Variants in LRRC74A observed in about 807,000 individuals in gnomAD.
The protein encoded by LRRC74A is leucine-rich repeat-containing protein 74A.
In LRRC74A, 44 loss-of-function variants were observed where a neutral mutation model predicts 57.9. That is an observed-to-expected ratio of 0.76 (90% CI 0.60 to 0.98). The LOEUF is 0.98. LRRC74A is among the 50% of genes least tolerant of loss of function. The probability of loss-of-function intolerance (pLI) is 0.00; values close to 1 mark genes in which losing one functional copy is unlikely to be tolerated. For synonymous variants in LRRC74A, 211 were observed against 219.4 expected (o/e 0.96, Z 0.34); for missense variants, 572 against 574.0 (o/e 1.00, Z 0.04).
In LRRC74A at chr14:76,836,176, G is replaced by A. The variant is rs570872715; in HGVS notation, c.340-31G>A. 1.2e-5 allele frequency: 19 copies of A among 1,538,000 alleles called. No individual in the cohort carries two copies. In the South Asian group the frequency reaches 2.1e-4, roughly 17 times the overall value. ...TGACTGGGTCACCAACCACTTCTGT[G>A]TCTCTCTCCCTCCCCTTGTGCTGGC... On this transcript the variant is annotated intron_variant, in intron 3 of 13. Coordinates refer to ENST00000689127, the MANE Select transcript of LRRC74A (RefSeq NM_001385106.1).
intron 7 of LRRC74A, among the ~76,000 whole-genome samples, chr14:76,848,796 C>A (rs1003031621): frequency 1.3e-5 from 2 of 152,166 alleles, no homozygotes; most frequent in African/African-American, 4.8e-5. Flanking sequence ...GAGAAGGCTG[C>A]AGGCAATAGA....
chr14:76,844,772 C>A, intron 6 of LRRC74A, 48 bp from the exon 7 acceptor site: 1 of 1,027,848 alleles, frequency 9.7e-7, no homozygotes, highest in Non-Finnish European at 1.5e-6. Context: ...AAGATATTTG[C>A]AATCAGAAGA....
In LRRC74A at chr14:76,852,391, G is replaced by C. The variant is rs1158732714; in HGVS notation, c.703G>C (p.Asp235His). The C allele has an allele frequency of 6.2e-7, 1 of 1,612,230 alleles. No homozygotes were observed. Among genetic ancestry groups the C allele is most frequent in the Non-Finnish European group, 8.5e-7 (1 of 1,179,004 alleles). ...CATCAACGTGGGGCTCACGTCACTG[G>C]ATCTGAGCTGGAATAACTTCCACAC... Reference protein sequence around the residue: ...LAINVGLTSLDLSWNNFHTRG... With the variant: ...LAINVGLTSLHLSWNNFHTRG... Residue 235 changes from aspartate to histidine, a missense_variant, in exon 8 of 14, where the codon GAT (aspartate) becomes CAT (histidine). Physicochemically the swap from Asp to His is moderately conservative, Grantham distance 81. Coordinates refer to ENST00000689127, the MANE Select transcript of LRRC74A (RefSeq NM_001385106.1).
intron 3 of LRRC74A, among the ~76,000 whole-genome samples, chr14:76,833,161 C>T (rs1383994581): frequency 6.6e-6 from 1 of 152,136 alleles, no homozygotes; most frequent in African/African-American, 2.4e-5. Flanking sequence ...CAGCCAAACA[C>T]AAGCTGCAGG....
At chr14:76,843,811 TC>T (rs1385951334) in intron 5 of LRRC74A, among the ~76,000 whole-genome samples, 3 of 149,044 alleles carry the variant, frequency 2.0e-5, no homozygotes, top group Admixed American at 2.0e-4. Context: ...TTCAAGCATT[TC>T]TCGTGCCTCA....
In LRRC74A at chr14:76,826,480, A is replaced by G; in HGVS notation, c.-218A>G. 6.5e-7 allele frequency: 1 copy of G among 1,540,590 alleles called. No individual in the cohort carries two copies. The highest frequency in any genetic ancestry group is 8.8e-7 in the Non-Finnish European group (1 of 1,134,518). On this transcript the variant is annotated 5_prime_UTR_variant, in exon 1 of 14. Coordinates refer to ENST00000689127, the MANE Select transcript of LRRC74A (RefSeq NM_001385106.1). ...AGAAGTAGCTACCTCTCCCAGACAG[A>G]GTTGGGGTCAAATTCATGCACATCC...
At chr14:76,858,860 A>C (rs1898084873) in intron 10 of LRRC74A, among the ~76,000 whole-genome samples, 1 of 152,154 alleles carries the variant, frequency 6.6e-6, no homozygotes, top group South Asian at 2.1e-4. Flanking sequence ...AAGTGCTGGG[A>C]TTAGAGGTGT....
intron 11 of LRRC74A, among the ~76,000 whole-genome samples, chr14:76,863,401 G>C (rs1243735959): frequency 2.0e-5 from 3 of 152,054 alleles, no homozygotes; most frequent in Admixed American, 2.0e-4. Context: ...CTTTGCATCA[G>C]CTCTCCCTTC....
intron 2 of LRRC74A, among the ~76,000 whole-genome samples, chr14:76,830,149 C>G (rs982360009): frequency 1.3e-5 from 2 of 152,170 alleles, no homozygotes; most frequent in Non-Finnish European, 1.5e-5. Context: ...AAAGAGAAGT[C>G]TAATTTGTAG....
intron 7 of LRRC74A, among the ~76,000 whole-genome samples, chr14:76,851,670 CTTT>C (rs35857490): frequency 2.3e-5 from 3 of 129,838 alleles, no homozygotes; most frequent in Admixed American, 7.7e-5. Context: ...ATAATTCTCA[CTTT>C]TTTTTTTTTT....
intron 2 of LRRC74A, among the ~76,000 whole-genome samples, chr14:76,830,967 A>G (rs1201227779): frequency 1.3e-5 from 2 of 152,208 alleles, no homozygotes; most frequent in Non-Finnish European, 1.5e-5. Flanking sequence ...GCCTAAAACC[A>G]TGGGCCTCAT....
chr14:76,855,798 G>A (rs973280088), intron 9 of LRRC74A, among the ~76,000 whole-genome samples: 1 of 152,208 alleles, frequency 6.6e-6, no homozygotes, highest in African/African-American at 2.4e-5. Flanking sequence ...TCATGTTGAA[G>A]CCACTTAGCT....
chr14:76,841,429 T>G (rs1389157536), intron 5 of LRRC74A, among the ~76,000 whole-genome samples: 1 of 152,240 alleles, frequency 6.6e-6, no homozygotes, highest in Non-Finnish European at 1.5e-5. Flanking sequence ...ATCTTGAATT[T>G]TTTTTCAAAA....
intron 3 of LRRC74A, among the ~76,000 whole-genome samples, chr14:76,834,209 G>A (rs565047783): frequency 3.3e-5 from 5 of 152,270 alleles, no homozygotes; most frequent in South Asian, 2.1e-4. Context: ...GAAAGGAGCC[G>A]AGAAAGAACA....
At chr14:76,831,447 C>A in intron 3 of LRRC74A, 72 bp downstream of exon 3, 1 of 1,522,676 alleles carries the variant, frequency 6.6e-7, no homozygotes, top group African/African-American at 1.4e-5. Flanking sequence ...GCCCAAGATT[C>A]AGAGGGCCCC....
chr14:76,849,567 C>T (rs966364213), intron 7 of LRRC74A, among the ~76,000 whole-genome samples: 4 of 151,358 alleles, frequency 2.6e-5, no homozygotes, highest in Admixed American at 6.6e-5. Flanking sequence ...TTTCGGAGGC[C>T]GAGGCGGGTG....
chr14:76,828,642 C>T, intron 2 of LRRC74A: 2 of 683,282 alleles, frequency 2.9e-6, no homozygotes, highest in Non-Finnish European at 2.6e-6. Context: ...GCCTCAGGAG[C>T]AGTGCCCTCA....
rs750667552 is a variant in LRRC74A at position 76,857,431 on chromosome 14, A to G, written c.1009A>G (p.Ile337Val). Residue 337 changes from isoleucine to valine, a missense_variant, in exon 10 of 14, where the codon ATC becomes GTC. Coordinates refer to ENST00000689127, the MANE Select transcript of LRRC74A (RefSeq NM_001385106.1). ...MDGAILLILA[I>V]KRNPKSRMEE... is the part of the protein sequence containing the mutation. Reference sequence around the variant, plus strand: ...TGGGGCTATTTTACTTATCCTGGCTATCAAGAGGAACCCCAAATCCAGGAT... The same window carrying G: ...TGGGGCTATTTTACTTATCCTGGCTGTCAAGAGGAACCCCAAATCCAGGAT... 2 of 1,588,262 alleles carry G rather than the reference A, an allele frequency of 1.3e-6. No homozygotes were observed. The highest frequency in any genetic ancestry group is 1.1e-5 in the South Asian group (1 of 87,296).
At chr14:76,860,861 A>T (rs768981126) in intron 11 of LRRC74A, 22 bp downstream of exon 11, 1 of 1,562,286 alleles carries the variant, frequency 6.4e-7, no homozygotes, top group East Asian at 2.3e-5. Context: ...CCTTCCTCTC[A>T]GGGCCTCCAG....
Sources: gnomAD v4.1 joint callset for allele counts (sites outside exome capture counted in the v4.1 genomes callset) on GRCh38, gnomAD v4.1.1 for gene constraint, MANE v1.5 for transcripts, NCBI Gene and HGNC (gene_info 2026-07-23, HGNC 2026-07-21) for gene names.